Variants in CNTN5 observed in about 807,000 individuals in gnomAD.
CNTN5 encodes contactin-5.
In CNTN5, 77 loss-of-function variants were observed where a neutral mutation model predicts 129.1. The observed-to-expected ratio is 0.60, with a 90% CI of 0.50 to 0.72. CNTN5 has a LOEUF of 0.72. CNTN5 is among the 30% of genes least tolerant of loss of function. CNTN5 has a pLI of 0.00. For missense variants in CNTN5, 1,478 were observed against 1,328.8 expected, an observed-to-expected ratio of 1.11 and a Z score of -1.75; for synonymous variants, 509 against 465.6, an observed-to-expected ratio of 1.09 and a Z score of -1.20.
chr11:99,942,129 A>G (rs1354194393), intron 7 of CNTN5, among the ~76,000 whole-genome samples: 1 of 151,816 alleles, frequency 6.6e-6, no homozygotes, highest in East Asian at 1.9e-4. Flanking sequence ...GTAACATAAC[A>G]CTCTTTTCAA....
intron 6 of CNTN5, among the ~76,000 whole-genome samples, chr11:99,886,119 A>T (rs1948895516): frequency 6.6e-6 from 1 of 152,084 alleles, no homozygotes; most frequent in Admixed American, 6.5e-5. Context: ...AAACTATAAA[A>T]CATTTAGATA....
chr11:99,316,242 C>T (rs1865337299), intron 1 of CNTN5, among the ~76,000 whole-genome samples: 1 of 152,108 alleles, frequency 6.6e-6, no homozygotes, highest in Non-Finnish European at 1.5e-5. Flanking sequence ...AATCATAAGG[C>T]AATTGATGAT....
chr11:99,377,227 T>G (rs915499161), intron 2 of CNTN5, among the ~76,000 whole-genome samples: 8 of 152,254 alleles, frequency 5.3e-5, no homozygotes, highest in Middle Eastern at 3.4e-3. Flanking sequence ...TCTCTCATAT[T>G]TTGGGGGAGT....
chr11:99,847,474 G>C lies in CNTN5; in HGVS notation c.577+2212G>C, dbSNP rs542550118. 3.3e-5 allele frequency among the ~76,000 whole-genome samples: 5 copies of C among 152,254 alleles called. No homozygotes were observed. The South Asian group carries it at 1.0e-3, about 32-fold the overall frequency. Reference sequence around the variant, plus strand: ...CATTATGGGCTTACATAGGTATTCAGTGGTAGCACCTTATGACTCTGCCCC... The same window carrying C: ...CATTATGGGCTTACATAGGTATTCACTGGTAGCACCTTATGACTCTGCCCC... On this transcript the variant is annotated intron_variant, in intron 6 of 24. Coordinates refer to ENST00000524871, the MANE Select transcript of CNTN5 (RefSeq NM_014361.4).
At position 99,189,139 on chromosome 11, in the gene CNTN5, A is replaced by C. The variant is rs367967610; in HGVS notation, c.-209-136207A>C. 7.2e-5 allele frequency among the ~76,000 whole-genome samples: 11 copies of C among 151,862 alleles called. No homozygotes were observed. The South Asian group carries it at 2.3e-3, about 32-fold the overall frequency. ...ACTTAAAACAATGTCCTCCCAGTTC[A>C]ACCATGTTACACAAATAACAGGATT... On this transcript the variant is annotated intron_variant, in intron 1 of 24. Transcript: ENST00000524871.
chr11:99,692,425 C>T (rs676789), intron 3 of CNTN5, among the ~76,000 whole-genome samples: 1 of 151,830 alleles, frequency 6.6e-6, no homozygotes, highest in Admixed American at 6.6e-5. Context: ...CTTGTAACAC[C>T]GGTCTGGTGG....
At chr11:99,213,244 T>C (rs1262066289) in intron 1 of CNTN5, among the ~76,000 whole-genome samples, 2 of 146,116 alleles carry the variant, frequency 1.4e-5, no homozygotes, top group Non-Finnish European at 3.0e-5. Context: ...TTTTTCTATA[T>C]GTATACATAT....
At chr11:99,182,248 G>T (rs1201741561) in intron 1 of CNTN5, among the ~76,000 whole-genome samples, 1 of 152,084 alleles carries the variant, frequency 6.6e-6, no homozygotes, top group Non-Finnish European at 1.5e-5. Context: ...ATTTGATATG[G>T]CAAAGTATAC....
At chr11:99,758,928 G>A (rs886146482) in intron 3 of CNTN5, among the ~76,000 whole-genome samples, 1 of 152,044 alleles carries the variant, frequency 6.6e-6, no homozygotes, top group South Asian at 2.1e-4. Flanking sequence ...TCAATATATG[G>A]TATTTTGTTC....
chr11:100,058,280 A>G (rs1943317448), intron 9 of CNTN5, among the ~76,000 whole-genome samples: 1 of 152,104 alleles, frequency 6.6e-6, no homozygotes, highest in African/African-American at 2.4e-5. Flanking sequence ...CTTTGTGAGA[A>G]TCCTATCAGT....
At chr11:99,433,170 G>A (rs768919646) in intron 2 of CNTN5, among the ~76,000 whole-genome samples, 2 of 152,088 alleles carry the variant, frequency 1.3e-5, no homozygotes, top group African/African-American at 2.4e-5. Context: ...GAATTGTGCT[G>A]TAGAGAAAAC....
chr11:99,415,665 G>A (rs1441147281), intron 2 of CNTN5, among the ~76,000 whole-genome samples: 2 of 152,114 alleles, frequency 1.3e-5, no homozygotes, highest in African/African-American at 4.8e-5. Context: ...GGGGAGAGCA[G>A]GAGAGTGTCA....
At chr11:99,813,865 T>G (rs1452583512) in intron 3 of CNTN5, among the ~76,000 whole-genome samples, 2 of 152,118 alleles carry the variant, frequency 1.3e-5, no homozygotes, top group Non-Finnish European at 2.9e-5. Flanking sequence ...CTTGGTAATT[T>G]TTATCTTTAA....
At chr11:99,554,115 A>G (rs1948591545) in intron 2 of CNTN5, among the ~76,000 whole-genome samples, 1 of 152,040 alleles carries the variant, frequency 6.6e-6, no homozygotes, top group Non-Finnish European at 1.5e-5. Flanking sequence ...TGGAGTTTAT[A>G]CTTAAAGATT....
chr11:99,948,892 T>G (rs771619734), intron 7 of CNTN5, among the ~76,000 whole-genome samples: 1 of 152,196 alleles, frequency 6.6e-6, no homozygotes, highest in East Asian at 1.9e-4. Context: ...AAAATCGTGC[T>G]TCCTGCCCTC....
intron 13 of CNTN5, among the ~76,000 whole-genome samples, chr11:100,156,992 TTCAGTTCTGCTCTGACC>T (rs1211005519): frequency 6.6e-6 from 1 of 152,008 alleles, no homozygotes; most frequent in Admixed American, 6.6e-5. Context: ...CTCTGTCTCC[TTCAGTTCTGCTCTGACC>T]TTAGTTATTT....
At chr11:99,887,169 C>T (rs1022162016) in intron 6 of CNTN5, among the ~76,000 whole-genome samples, 1 of 152,296 alleles carries the variant, frequency 6.6e-6, no homozygotes, top group Middle Eastern at 3.4e-3. Flanking sequence ...GTTGGACATG[C>T]ATCTGCACTT....
chr11:99,065,395 C>A lies in CNTN5; in HGVS notation c.-210+44125C>A, dbSNP rs551950237. Among the ~76,000 whole-genome samples, 69 of 152,226 alleles carry A rather than the reference C, an allele frequency of 4.5e-4. 1 individual carries two copies. Among genetic ancestry groups the A allele is most frequent in the African/African-American group, 1.6e-3 (65 of 41,552 alleles). ...ATGAAGGAAACAGAATTCCAAAAGT[C>A]AGAAAGGAATGTATAAGCACAGAAG... On this transcript the variant is annotated intron_variant, in intron 1 of 24. Coordinates refer to ENST00000524871, the MANE Select transcript of CNTN5 (RefSeq NM_014361.4).
chr11:99,326,557 A>G (rs979860339), intron 2 of CNTN5, among the ~76,000 whole-genome samples: 33 of 152,242 alleles, frequency 2.2e-4, no homozygotes, highest in African/African-American at 7.7e-4. Flanking sequence ...TTACCACGAT[A>G]TGTGATTTTA....
Sources: allele counts gnomAD v4.1 joint callset (sites outside exome capture counted in the v4.1 genomes callset), GRCh38; gene constraint gnomAD v4.1.1; transcripts MANE v1.5; gene names NCBI Gene and HGNC (gene_info 2026-07-23, HGNC 2026-07-21).